The following IHH variants were observed in gnomAD, a reference collection of about 807,000 sequenced individuals.
IHH encodes indian hedgehog protein.
IHH carries 9 observed loss-of-function variants against 29.4 expected under a neutral mutation model. The observed-to-expected ratio is 0.31, with a 90% CI of 0.18 to 0.53. The LOEUF (loss-of-function observed/expected upper bound fraction) is 0.53. Among genes scored for constraint, IHH ranks in the 20% least tolerant of loss-of-function variants. The pLI, the probability that IHH is intolerant of heterozygous loss-of-function variation, is 0.95. For missense variants in IHH, 454 were observed against 578.1 expected (o/e 0.79, Z 2.20); for synonymous variants, 254 against 252.7 (o/e 1.01, Z -0.05).
intron 2 of IHH, among the ~76,000 whole-genome samples, chr2:219,057,055 G>A (rs371767017): frequency 3.3e-5 from 5 of 152,140 alleles, no homozygotes; most frequent in East Asian, 3.9e-4. Flanking sequence ...GGCATACCCC[G>A]GCTCCTGGCC....
chr2:219,055,247 C>T lies in IHH; in HGVS notation c.1196G>A (p.Gly399Asp). The change falls in exon 3 of 3, where the codon GGC becomes GAC. Residue 399 changes from glycine to aspartate, a missense_variant. Physicochemically the swap from Gly to Asp is moderately conservative, Grantham distance 94. Around this residue, in one of 3 missense-constraint regions of IHH, gnomAD observed 271 missense variants for 315.9 expected, o/e 0.86. Transcript: ENST00000295731. ...YRLGRLLLEE[G>D]SFHPLGMSGA... The stretch of plus-strand genomic sequence containing the variant: ...GGACATGCCCAGTGGGTGGAAGCTG[C>T]CCTCTTCTAGCAGGAGACGCCCCAG... 6.2e-7 allele frequency: 1 copy of T among 1,602,768 alleles called. No individual in the cohort carries two copies. The highest frequency in any genetic ancestry group is 8.5e-7 in the Non-Finnish European group (1 of 1,175,314).
rs891943732 is a variant in IHH at position 219,054,993 on chromosome 2, C to T, written c.*214G>A. 1.2e-5 allele frequency: 7 copies of T among 607,352 alleles called. No homozygotes were observed. The highest frequency in any genetic ancestry group is 5.9e-5 in the Admixed American group (2 of 33,616). 37.6% of individuals were successfully genotyped at this position (607,352 alleles called of 1,614,324 possible). On this transcript the variant is annotated 3_prime_UTR_variant, in exon 3 of 3. Coordinates refer to ENST00000295731, the MANE Select transcript of IHH (RefSeq NM_002181.4). ...AGAGAGGGGTCAACAACCATCCCCT[C>T]GCCAGCTCAGCTTGCAGCTCTATGA...
chr2:219,056,484 G>A (rs1272281667), intron 2 of IHH, among the ~76,000 whole-genome samples: 1 of 152,248 alleles, frequency 6.6e-6, no homozygotes, highest in Non-Finnish European at 1.5e-5. Context: ...GTGTTTGGGG[G>A]TCAGGAGTAA....
In IHH at chr2:219,055,560, C is replaced by A; in HGVS notation, c.883G>T (p.Ala295Ser). Residue 295 changes from alanine to serine, a missense_variant, in exon 3 of 3, where the codon GCC (alanine) becomes TCC (serine). Ala to Ser is a moderately conservative substitution (Grantham distance 99, BLOSUM62 1). Coordinates refer to ENST00000295731, the MANE Select transcript of IHH (RefSeq NM_002181.4). ...TACTGGCCAGGCTGCACGTGGCTGG[C>A]AAATGTGGCCCGGAAGCGGGCTGCC... is the stretch of plus-strand genomic sequence containing the variant. Reference protein sequence around the residue: ...EPAARFRATFASHVQPGQYVL... With the variant: ...EPAARFRATFSSHVQPGQYVL... The A allele has an allele frequency of 1.9e-6, 3 of 1,612,960 alleles. No homozygotes were observed. Among genetic ancestry groups the A allele is most frequent in the African/African-American group, 2.7e-5 (2 of 75,054 alleles).
In IHH at chr2:219,060,449, G is replaced by C; in HGVS notation, c.19C>G (p.Arg7Gly). The C allele has an allele frequency of 6.5e-7, 1 of 1,539,920 alleles. No homozygotes were observed. The highest frequency in any genetic ancestry group is 8.7e-7 in the Non-Finnish European group (1 of 1,147,666). ...ACCAGGCAGAAGTGCAGTCGGGGCC[G>C]GAGCCGGGCGGGAGACATGGCCGGG... MSPARL[R>G]PRLHFCLVLL... Residue 7 changes from arginine (R) to glycine (G), a missense_variant, in exon 1 of 3, where the codon CGG becomes GGG. Physicochemically the swap from Arg to Gly is moderately radical, Grantham distance 125 (BLOSUM62 -2). Transcript: ENST00000295731. This position sits in a 1 kb window ranked among gnomAD's most constrained non-coding sequence, Gnocchi z 8.8.
intron 2 of IHH, 55 bp downstream of exon 2, chr2:219,057,378 C>T (rs902556312): frequency 2.6e-6 from 4 of 1,546,232 alleles, no homozygotes; most frequent in Admixed American, 3.9e-5. Context: ...CACTACTCCT[C>T]CTGCCCATGC....
At chr2:219,056,723 C>T (rs923150133) in intron 2 of IHH, among the ~76,000 whole-genome samples, 3 of 152,060 alleles carry the variant, frequency 2.0e-5, no homozygotes, top group African/African-American at 7.2e-5. Flanking sequence ...CCAGGTGGGG[C>T]TTGGCTGGGA....
rs1948869437 is a variant in IHH at position 219,060,298 on chromosome 2, G to T, written c.170C>A (p.Pro57His). 1 of 1,613,070 alleles carries T rather than the reference G, an allele frequency of 6.2e-7. No individual in the cohort carries two copies. Among genetic ancestry groups the T allele is most frequent in the African/African-American group, 1.3e-5 (1 of 75,040 alleles). The change falls in exon 1 of 3, where the codon CCC becomes CAC. Residue 57 changes from proline to histidine, a missense_variant. By Grantham distance (77) the Pro-to-His change is moderately conservative. Coordinates refer to ENST00000295731, the MANE Select transcript of IHH (RefSeq NM_002181.4). The surrounding 1 kb of genome is among the most constrained non-coding windows in gnomAD (Gnocchi z 8.8). ...TCCGCTGGCGCCCAGGGTCTTCTCG[G>T]GCACATTGGGGCTGAACTGCTTGTA... ...LAYKQFSPNV[P>H]EKTLGASGRY...
chr2:219,055,788 C>T lies in IHH; in HGVS notation c.655G>A (p.Ala219Thr), dbSNP rs575127642. The stretch of plus-strand genomic sequence containing the variant: ...TCTCCCGGCCTCACGGCTGACAAGG[C>T]CACACGCGCCCCACTCTCCAGGCGT... ...QVRLESGARV[A>T]LSAVRPGDRV... The change falls in exon 3 of 3, where the codon GCC (alanine) becomes ACC (threonine). Residue 219 changes from alanine (A) to threonine (T), a missense_variant. Physicochemically the swap from Ala to Thr is moderately conservative, Grantham distance 58. This residue lies in a region of IHH where 271 missense variants were observed against 315.9 expected (regional missense o/e 0.86). Transcript: ENST00000295731. The T allele has an allele frequency of 6.2e-7, 1 of 1,613,274 alleles. No individual in the cohort carries two copies. The highest frequency in any genetic ancestry group is 1.3e-5 in the African/African-American group (1 of 75,066).
In IHH at chr2:219,055,746, C is replaced by G; in HGVS notation, c.697G>C (p.Gly233Arg). 6.8e-6 allele frequency: 11 copies of G among 1,613,796 alleles called. No homozygotes were observed. Among genetic ancestry groups the G allele is most frequent in the Non-Finnish European group, 8.5e-6 (10 of 1,179,978 alleles). ...VRPGDRVLAM[G>R]EDGSPTFSDV... is the part of the protein sequence containing the mutation. ...CTGAAGGTGGGGCTCCCATCCTCCC[C>G]CATGGCCAGCACACGGTCTCCCGGC... The change falls in exon 3 of 3, where the codon GGG becomes CGG. Residue 233 changes from glycine to arginine, a missense_variant. Coordinates refer to ENST00000295731, the MANE Select transcript of IHH (RefSeq NM_002181.4).
At chr2:219,057,808 C>G in intron 1 of IHH, 114 bp from the exon 2 acceptor site, 1 of 1,430,678 alleles carries the variant, frequency 7.0e-7, no homozygotes, top group Non-Finnish European at 9.6e-7. Context: ...CCCAAGGGAG[C>G]TGGAAGCCCG....
At chr2:219,057,325 G>T in intron 2 of IHH, 108 bp downstream of exon 2, 1 of 1,293,340 alleles carries the variant, frequency 7.7e-7, no homozygotes, top group Non-Finnish European at 1.1e-6. Flanking sequence ...CTCTTCCCCC[G>T]GATCCCTGCC....
In IHH at chr2:219,055,101, G is replaced by A. The variant is rs1183560462; in HGVS notation, c.*106C>T. The A allele has an allele frequency of 1.3e-5, 15 of 1,191,600 alleles. No homozygotes were observed. Among genetic ancestry groups the A allele is most frequent in the East Asian group, 2.6e-5 (1 of 39,072 alleles). The allele number at this position is 1,191,600 out of a possible 1,614,324, so 73.8% of individuals were successfully genotyped here. ...ATCTTCATGGCAGAGGAGATGGCAGGAGCCAGTGTCCCCCAGCTCAGGTCC... is the reference window on the plus strand; with the variant it reads ...ATCTTCATGGCAGAGGAGATGGCAGAAGCCAGTGTCCCCCAGCTCAGGTCC... On this transcript the variant is annotated 3_prime_UTR_variant, in exon 3 of 3. Coordinates refer to ENST00000295731, the MANE Select transcript of IHH (RefSeq NM_002181.4).
chr2:219,057,764 T>C (rs1948843955), intron 1 of IHH, 70 bp from the exon 2 acceptor site: 2 of 1,571,796 alleles, frequency 1.3e-6, no homozygotes, highest in Non-Finnish European at 1.7e-6. Flanking sequence ...GGTGCAGGTG[T>C]AGGCGCAGCC....
At chr2:219,057,307 C>T in intron 2 of IHH, 126 bp downstream of exon 2, 1 of 1,122,178 alleles carries the variant, frequency 8.9e-7, no homozygotes, top group South Asian at 1.3e-5. Context: ...GAGAGCGCCG[C>T]TGATGTCCTC....
rs1490950841 is a variant in IHH at position 219,060,153 on chromosome 2, C to T, written c.315G>A (p.Gln105=). 6.2e-7 allele frequency: 1 copy of T among 1,608,040 alleles called. No individual in the cohort carries two copies. The highest frequency in any genetic ancestry group is 1.7e-5 in the Admixed American group (1 of 59,754). ...CGCTGGTAGGGCGGATCGCGCTCACCTGGGTCATGAGGCGGTCGGCGCCTG... is the reference window on the plus strand; with the variant it reads ...CGCTGGTAGGGCGGATCGCGCTCACTTGGGTCATGAGGCGGTCGGCGCCTG... ...ENTGADRLMT[Q]RCKDRLNSLA... Residue 105 remains glutamine (Q), a splice_region_variant and synonymous_variant, in exon 1 of 3, where the codon CAG becomes CAA. Coordinates refer to ENST00000295731, the MANE Select transcript of IHH (RefSeq NM_002181.4). The surrounding 1 kb of genome is among the most constrained non-coding windows in gnomAD (Gnocchi z 8.8).
chr2:219,055,811 C>A lies in IHH; in HGVS notation c.632G>T (p.Arg211Leu), dbSNP rs200898513. ...GGCFPAGAQV[R>L]LESGARVALS... The stretch of plus-strand genomic sequence containing the variant: ...GGCCACACGCGCCCCACTCTCCAGG[C>A]GTACCTGGGCTCCGGCAGGGAAGCA... The change falls in exon 3 of 3, where the codon CGC becomes CTC. Residue 211 changes from arginine to leucine, a missense_variant. By Grantham distance (102) the Arg-to-Leu change is moderately radical (BLOSUM62 -2). This residue lies in a region of IHH where 271 missense variants were observed against 315.9 expected (regional missense o/e 0.86). Transcript: ENST00000295731. 1.2e-6 allele frequency: 2 copies of A among 1,612,660 alleles called. No homozygotes were observed. Among genetic ancestry groups the A allele is most frequent in the East Asian group, 2.2e-5 (1 of 44,872 alleles).
In IHH at chr2:219,055,032, G is replaced by C. The variant is rs3099; in HGVS notation, c.*175C>G. On this transcript the variant is annotated 3_prime_UTR_variant, in exon 3 of 3. Transcript: ENST00000295731. Reference sequence around the variant, plus strand: ...GCAGCTCTATGACTACACCACGACGGGGGTGGGGGACGCTGGTGTTGCCCA... The same window carrying C: ...GCAGCTCTATGACTACACCACGACGCGGGTGGGGGACGCTGGTGTTGCCCA... 0.6 allele frequency: 406,394 copies of C among 682,856 alleles called. 128,275 individuals are homozygous for C. Among genetic ancestry groups the C allele is most frequent in the Non-Finnish European group, 0.67 (266,628 of 400,092 alleles). The allele number at this position is 682,856 out of a possible 1,614,324, so 42.3% of individuals were successfully genotyped here.
rs2106310720 is a variant in IHH, at chr2:219,060,425, C to G, written c.43G>C (p.Val15Leu). ...RLRPRLHFCL[V>L]LLLLLVVPAA... is the part of the protein sequence containing the mutation. The stretch of plus-strand genomic sequence containing the variant: ...GGCACCACCAGCAGCAGCAACAGGA[C>G]CAGGCAGAAGTGCAGTCGGGGCCGG... The change falls in exon 1 of 3, where the codon GTC becomes CTC. Residue 15 changes from valine to leucine, a missense_variant. Around this residue, in one of 3 missense-constraint regions of IHH, gnomAD observed 113 missense variants for 122.1 expected, o/e 0.93. Coordinates refer to ENST00000295731, the MANE Select transcript of IHH (RefSeq NM_002181.4). This position sits in a 1 kb window ranked among gnomAD's most constrained non-coding sequence, Gnocchi z 8.8. 6.3e-7 allele frequency: 1 copy of G among 1,593,050 alleles called. No individual in the cohort carries two copies. The highest frequency in any genetic ancestry group is 8.5e-7 in the Non-Finnish European group (1 of 1,174,096).
Sources: gnomAD v4.1 joint callset for allele counts (sites outside exome capture counted in the v4.1 genomes callset) on GRCh38, gnomAD v4.1.1 for gene constraint, gnomAD v4.1.1 regional missense constraint, Gnocchi (gnomAD v3.1) non-coding constraint, MANE v1.5 for transcripts, NCBI Gene and HGNC (gene_info 2026-07-23, HGNC 2026-07-21) for gene names.